ADK: variants seen among roughly 807,000 people sequenced by gnomAD.
ADK encodes N6,N6-dimethyladenosine kinase.
A neutral mutation model predicts 44.7 loss-of-function variants in ADK; 24 were observed. The observed-to-expected ratio is 0.54, with a 90% CI of 0.39 to 0.76. The LOEUF is 0.76. Ranked by LOEUF, ADK falls within the 30% of genes least tolerant of loss-of-function variation. ADK has a pLI of 0.00. For missense variants in ADK, 321 were observed against 425.1 expected (o/e 0.76, Z 2.15); for synonymous variants, 128 against 142.6 (o/e 0.90, Z 0.73).
intron 7 of ADK, among the ~76,000 whole-genome samples, chr10:74,574,359 C>T (rs571249046): frequency 4.6e-5 from 7 of 151,788 alleles, no homozygotes; most frequent in African/African-American, 9.7e-5. Context: ...TTAGTAGAGA[C>T]GGGGTTTCAC....
intron 9 of ADK, among the ~76,000 whole-genome samples, chr10:74,646,163 G>C (rs948077513): frequency 5.3e-5 from 8 of 152,154 alleles, no homozygotes; most frequent in Non-Finnish European, 7.4e-5. Context: ...TTATAGAGTG[G>C]TCTGAGTTTA....
At chr10:74,215,560 A>G (rs2132207667) in intron 2 of ADK, among the ~76,000 whole-genome samples, 1 of 152,126 alleles carries the variant, frequency 6.6e-6, no homozygotes, top group Admixed American at 6.5e-5. Context: ...CCTGACCTCA[A>G]GTGATCTGCC....
At chr10:74,657,633 T>C (rs963211414) in intron 9 of ADK, among the ~76,000 whole-genome samples, 1 of 152,172 alleles carries the variant, frequency 6.6e-6, no homozygotes, top group Non-Finnish European at 1.5e-5. Flanking sequence ...GTAAAACATA[T>C]ACCAGTCTCA....
rs34798510 is a variant in ADK, at chr10:74,230,882, A to AT, written c.194+6292dup. ...TTTTTAGTAGAGACAGGGTTTCACCATATTGGTCAGGCTGGTCTCAAACTC... is the reference window on the plus strand; with the variant it reads ...TTTTTAGTAGAGACAGGGTTTCACCATTATTGGTCAGGCTGGTCTCAAACTC... On this transcript the variant is annotated intron_variant, in intron 3 of 10. Coordinates refer to ENST00000539909, the MANE Select transcript of ADK (RefSeq NM_006721.4). Among the ~76,000 whole-genome samples, 659 of 152,202 alleles carry AT rather than the reference A, an allele frequency of 4.3e-3. 4 individuals are homozygous for AT. The highest frequency in any genetic ancestry group is 7.0e-3 in the Non-Finnish European group (479 of 67,996).
At chr10:74,188,993 T>A (rs550679663) in intron 1 of ADK, among the ~76,000 whole-genome samples, 23 of 151,726 alleles carry the variant, frequency 1.5e-4, no homozygotes, top group Admixed American at 6.6e-4. Context: ...GGCTGGTCTC[T>A]AACTCCTGAC....
chr10:74,321,534 A>G (rs1840808907), intron 4 of ADK, among the ~76,000 whole-genome samples: 1 of 152,134 alleles, frequency 6.6e-6, no homozygotes, highest in African/African-American at 2.4e-5. Flanking sequence ...TCCTCAAGAC[A>G]TTAGCTTGGT....
chr10:74,293,379 C>T (rs1839697622), intron 3 of ADK, among the ~76,000 whole-genome samples: 1 of 151,998 alleles, frequency 6.6e-6, no homozygotes, highest in South Asian at 2.1e-4. Context: ...TTATTCTAAG[C>T]TGAGTTGTTC....
At chr10:74,325,658 A>C (rs906064675) in intron 4 of ADK, among the ~76,000 whole-genome samples, 15 of 152,150 alleles carry the variant, frequency 9.9e-5, no homozygotes, top group African/African-American at 3.6e-4. Context: ...CATTCCTTCT[A>C]TACCCAATTT....
chr10:74,224,332 A>T (rs112300477), intron 2 of ADK, among the ~76,000 whole-genome samples: 2 of 152,224 alleles, frequency 1.3e-5, no homozygotes, highest in African/African-American at 2.4e-5. Flanking sequence ...AGCATTGTTA[A>T]GGTGATCTCC....
chr10:74,349,579 G>A (rs192768803), intron 4 of ADK, among the ~76,000 whole-genome samples: 3 of 152,252 alleles, frequency 2.0e-5, no homozygotes, highest in Non-Finnish European at 2.9e-5. Flanking sequence ...AACCTTAGCT[G>A]TACATGGCCT....
intron 1 of ADK, among the ~76,000 whole-genome samples, chr10:74,168,212 G>GATAA (rs1449505387): frequency 6.6e-6 from 1 of 152,150 alleles, no homozygotes; most frequent in Non-Finnish European, 1.5e-5. Flanking sequence ...ACAGATGCTC[G>GATAA]ATAAATATTT....
intron 1 of ADK, among the ~76,000 whole-genome samples, chr10:74,196,284 G>A (rs1843148343): frequency 6.6e-6 from 1 of 150,400 alleles, no homozygotes. Context: ...GCTCACACCT[G>A]TAATCCCAGC....
chr10:74,228,742 A>G (rs1442818845), intron 3 of ADK, among the ~76,000 whole-genome samples: 2 of 152,184 alleles, frequency 1.3e-5, no homozygotes. Flanking sequence ...TAAATTTTGT[A>G]TTACCTTGGA....
chr10:74,381,329 G>A (rs981923126), intron 4 of ADK, among the ~76,000 whole-genome samples: 1 of 152,136 alleles, frequency 6.6e-6, no homozygotes, highest in South Asian at 2.1e-4. Flanking sequence ...TAAATAAAAT[G>A]GTAAATAGTT....
chr10:74,655,900 T>C (rs773482677), intron 9 of ADK: 5 of 660,882 alleles, frequency 7.6e-6, no homozygotes, highest in Admixed American at 2.0e-5. Flanking sequence ...CTAGCTGACC[T>C]GACAGAGGGT....
chr10:74,379,606 A>G (rs1352012216), intron 4 of ADK, among the ~76,000 whole-genome samples: 1 of 152,308 alleles, frequency 6.6e-6, no homozygotes, highest in African/African-American at 2.4e-5. Flanking sequence ...TTGTTTTAAT[A>G]TGCCAAAGTT....
intron 7 of ADK, among the ~76,000 whole-genome samples, chr10:74,550,353 G>A (rs772704948): frequency 1.3e-5 from 2 of 151,908 alleles, no homozygotes; most frequent in African/African-American, 2.4e-5. Context: ...TTACAGGTAC[G>A]AGCCACCACG....
At chr10:74,285,424 G>T (rs919310049) in intron 3 of ADK, among the ~76,000 whole-genome samples, 13 of 152,174 alleles carry the variant, frequency 8.5e-5, no homozygotes, top group Non-Finnish European at 1.8e-4. Context: ...TAAAGTTGGA[G>T]AACAGCTCAA....
chr10:74,339,982 A>C (rs1841532103), intron 4 of ADK, among the ~76,000 whole-genome samples: 1 of 152,210 alleles, frequency 6.6e-6, no homozygotes, highest in African/African-American at 2.4e-5. Context: ...GAAAGAAGCC[A>C]GAGGCCAAAA....
Sources: allele counts gnomAD v4.1 joint callset (sites outside exome capture counted in the v4.1 genomes callset), GRCh38; gene constraint gnomAD v4.1.1; transcripts MANE v1.5; gene names NCBI Gene and HGNC (gene_info 2026-07-23, HGNC 2026-07-21).